Variants in PPARA observed in about 807,000 individuals in gnomAD.
PPARA encodes the protein peroxisome proliferator activated receptor alpha, also known as peroxisome proliferator-activated receptor alpha.
PPARA carries 22 observed loss-of-function variants against 42.2 expected under a neutral mutation model. The observed-to-expected ratio is 0.52, with a 90% confidence interval of 0.37 to 0.74. The LOEUF is 0.74. Ranked by LOEUF, PPARA falls within the 30% of genes least tolerant of loss-of-function variation. The pLI, the probability that PPARA is intolerant of heterozygous loss-of-function variation, is 0.00. For missense variants in PPARA, 465 were observed against 608.2 expected (o/e 0.76, Z 2.48); for synonymous variants, 242 against 239.3 (o/e 1.01, Z -0.10).
At position 46,193,170 on chromosome 22, in the gene PPARA, G is replaced by A. The variant is rs904765014; in HGVS notation, c.-42-5172G>A. 2.0e-5 allele frequency among the ~76,000 whole-genome samples: 3 copies of A among 152,126 alleles called. No homozygotes were observed. The highest frequency in any genetic ancestry group is 7.2e-5 in the African/African-American group (3 of 41,414). On this transcript the variant is annotated intron_variant, in intron 3 of 8. Transcript: ENST00000407236. This position sits in a 1 kb window ranked among gnomAD's most constrained non-coding sequence, Gnocchi z 5.3. ...CAACCTCCACCTCCTGGGTTCAAGC[G>A]ATCCTCCTGCCTCAGCCTCCCAAAT...
chr22:46,186,729 T>G (rs569938332), intron 3 of PPARA, among the ~76,000 whole-genome samples: 1 of 151,672 alleles, frequency 6.6e-6, no homozygotes, highest in African/African-American at 2.4e-5. Context: ...AATAAATAAA[T>G]AAAAGAAAAG....
rs1167197763 is a variant in PPARA at position 46,242,831 on chromosome 22, T to G, written c.*7451T>G. ...GAAATCTGTTCCCTTTACCACACTG[T>G]ATATGCACAGAGCACAAGAGAGGCT... On this transcript the variant is annotated 3_prime_UTR_variant, in exon 9 of 9. Coordinates refer to ENST00000407236, the MANE Select transcript of PPARA (RefSeq NM_005036.6). The surrounding 1 kb of genome is among the most constrained non-coding windows in gnomAD (Gnocchi z 6.1). 1.3e-5 allele frequency: 2 copies of G among 152,524 alleles called. No homozygotes were observed. Among genetic ancestry groups the G allele is most frequent in the East Asian group, 3.8e-4 (2 of 5,198 alleles). The allele number at this position is 152,524 out of a possible 1,614,324, so 9.4% of individuals were successfully genotyped here.
rs990108237 is a variant in PPARA at position 46,232,745 on chromosome 22, G to A, written c.1159+506G>A. 6.6e-6 allele frequency among the ~76,000 whole-genome samples: 1 copy of A among 151,554 alleles called. No homozygotes were observed. Among genetic ancestry groups the A allele is most frequent in the Non-Finnish European group, 1.5e-5 (1 of 67,954 alleles). On this transcript the variant is annotated intron_variant, in intron 8 of 8. Transcript: ENST00000407236. This position sits in a 1 kb window ranked among gnomAD's most constrained non-coding sequence, Gnocchi z 5.3. ...AATCCCAGCCCTTTGGGAGGCTGAG[G>A]TGGGTGGATCACTTGAGCCCAGGAG...
intron 4 of PPARA, among the ~76,000 whole-genome samples, chr22:46,210,221 A>C: frequency 6.8e-6 from 1 of 146,540 alleles, no homozygotes; most frequent in Non-Finnish European, 1.5e-5. Flanking sequence ...AGGCAGGAGA[A>C]TTGCTTGAAC....
At position 46,224,244 on chromosome 22, in the gene PPARA, TGCTGACGG is replaced by T. The variant is rs1300901769; in HGVS notation, c.711+4234_711+4241del. ...ACGGCCCCCTCCTCCCTGCCTAGCC[TGCTGACGG>T]GCTTTCCAGAGCTGGCTCCTTCAGG... On this transcript the variant is annotated intron_variant, in intron 7 of 8. Transcript: ENST00000407236. This position sits in a 1 kb window ranked among gnomAD's most constrained non-coding sequence, Gnocchi z 5.7. 6.6e-6 allele frequency among the ~76,000 whole-genome samples: 1 copy of T among 152,214 alleles called. No individual in the cohort carries two copies. Among genetic ancestry groups the T allele is most frequent in the Non-Finnish European group, 1.5e-5 (1 of 68,032 alleles).
chr22:46,179,858 A>G (rs1163362017), intron 3 of PPARA, among the ~76,000 whole-genome samples: 2 of 152,200 alleles, frequency 1.3e-5, no homozygotes, highest in African/African-American at 4.8e-5. Flanking sequence ...AATTCTCAAA[A>G]CTCACCTAGA....
At chr22:46,168,821 A>G (rs1299914375) in intron 2 of PPARA, among the ~76,000 whole-genome samples, 2 of 152,020 alleles carry the variant, frequency 1.3e-5, no homozygotes, top group African/African-American at 2.4e-5. Flanking sequence ...ACTCTCATAC[A>G]CTGCTGATGG....
rs1935868514 is a variant in PPARA at position 46,231,490 on chromosome 22, G to A, written c.712-302G>A. Among the ~76,000 whole-genome samples, 1 of 152,104 alleles carries A rather than the reference G, an allele frequency of 6.6e-6. No homozygotes were observed. Among genetic ancestry groups the A allele is most frequent in the African/African-American group, 2.4e-5 (1 of 41,412 alleles). On this transcript the variant is annotated intron_variant, in intron 7 of 8. Transcript: ENST00000407236. The surrounding 1 kb of genome is among the most constrained non-coding windows in gnomAD (Gnocchi z 7.7). ...CCCACCTCAGCCTCCCAAAGTTCTG[G>A]GATTACAGGCGTGAGCCACCATGCC...
chr22:46,219,177 AAAAG>A lies in PPARA; in HGVS notation c.509-631_509-628del, dbSNP rs1934787659. Among the ~76,000 whole-genome samples the A allele has an allele frequency of 6.6e-6, 1 of 152,174 alleles. No homozygotes were observed. ...ACTCCGTCTCAAAAAAAAAGAAAAA[AAAAG>A]AAAAAGTCTCAAATAGCTGAGATTC... is the stretch of plus-strand genomic sequence containing the variant. On this transcript the variant is annotated intron_variant, in intron 6 of 8. Transcript: ENST00000407236. This position sits in a 1 kb window ranked among gnomAD's most constrained non-coding sequence, Gnocchi z 4.8.
Position 46,184,850 on chromosome 22 carries a change from G to A in PPARA, c.-43+8014G>A, listed in dbSNP as rs1019583093. Among the ~76,000 whole-genome samples, 4 of 152,248 alleles carry A rather than the reference G, an allele frequency of 2.6e-5. No individual in the cohort carries two copies. Among genetic ancestry groups the A allele is most frequent in the East Asian group, 1.9e-4 (1 of 5,186 alleles). The stretch of plus-strand genomic sequence containing the variant: ...AGCCTACGCGACAGAGCAAGACTCC[G>A]TCTCAAAAAACAAAAAAAGTATTCT... On this transcript the variant is annotated intron_variant, in intron 3 of 8. Transcript: ENST00000407236. The surrounding 1 kb of genome is among the most constrained non-coding windows in gnomAD (Gnocchi z 4.4).
rs2147707725 is a variant in PPARA at position 46,233,217 on chromosome 22, AT to A, written c.1159+979del. On this transcript the variant is annotated intron_variant, in intron 8 of 8. Transcript: ENST00000407236. The surrounding 1 kb of genome is among the most constrained non-coding windows in gnomAD (Gnocchi z 7.3). The stretch of plus-strand genomic sequence containing the variant: ...AGTATATTTCCTAATGCAAAATATA[AT>A]ATCAGTCAGCAGCCAAGTGGCAGTG... 6.6e-6 allele frequency among the ~76,000 whole-genome samples: 1 copy of A among 152,302 alleles called. No individual in the cohort carries two copies. The highest frequency in any genetic ancestry group is 2.4e-5 in the African/African-American group (1 of 41,564).
At chr22:46,181,644 G>A (rs1026464745) in intron 3 of PPARA, among the ~76,000 whole-genome samples, 3 of 152,118 alleles carry the variant, frequency 2.0e-5, no homozygotes, top group African/African-American at 7.2e-5. Context: ...TTTAATGTCG[G>A]GTGGCCAGCC....
In PPARA at chr22:46,232,376, C is replaced by A. The variant is rs1345577122; in HGVS notation, c.1159+137C>A. 4 of 797,414 alleles carry A rather than the reference C, an allele frequency of 5.0e-6. No individual in the cohort carries two copies. In the Admixed American group the frequency reaches 7.5e-5, roughly 15 times the overall value. 49.4% of individuals were successfully genotyped at this position (797,414 alleles called of 1,614,324 possible). ...CTCACATGGTGGGAAGACGTCTGACCCCCAGTCACTGCTGAGAATTCAGTG... is the reference window on the plus strand; with the variant it reads ...CTCACATGGTGGGAAGACGTCTGACACCCAGTCACTGCTGAGAATTCAGTG... On this transcript the variant is annotated intron_variant, in intron 8 of 8. Coordinates refer to ENST00000407236, the MANE Select transcript of PPARA (RefSeq NM_005036.6). The surrounding 1 kb of genome is among the most constrained non-coding windows in gnomAD (Gnocchi z 5.3).
rs1050655770 is a variant in PPARA at position 46,200,906 on chromosome 22, A to G, written c.208+2315A>G. 4.0e-5 allele frequency among the ~76,000 whole-genome samples: 6 copies of G among 151,620 alleles called. No individual in the cohort carries two copies. Among genetic ancestry groups the G allele is most frequent in the African/African-American group, 1.5e-4 (6 of 41,194 alleles). ...GCCACTGTACTCTAGCTTGGGCGAC[A>G]GGGTGAGACTCCATCTCAAAAAAAA... On this transcript the variant is annotated intron_variant, in intron 4 of 8. Transcript: ENST00000407236. This position sits in a 1 kb window ranked among gnomAD's most constrained non-coding sequence, Gnocchi z 4.8.
At chr22:46,170,623 T>C (rs1280028146) in intron 2 of PPARA, among the ~76,000 whole-genome samples, 1 of 151,688 alleles carries the variant, frequency 6.6e-6, no homozygotes, top group Admixed American at 6.6e-5. Flanking sequence ...TGTAAATTTT[T>C]ATTGAACGTC....
rs971082393 is a variant in PPARA, at chr22:46,173,333, T to A, written c.-126-3420T>A. On this transcript the variant is annotated intron_variant, in intron 2 of 8. Transcript: ENST00000407236. This position sits in a 1 kb window ranked among gnomAD's most constrained non-coding sequence, Gnocchi z 4.3. ...AGAAAGCCTTGGACACATTTCCAGT[T>A]GGCAAGCTGGCAAAATGAAGGGCGT... Among the ~76,000 whole-genome samples the A allele has an allele frequency of 4.6e-5, 7 of 152,196 alleles. No homozygotes were observed. Among genetic ancestry groups the A allele is most frequent in the African/African-American group, 9.7e-5 (4 of 41,446 alleles).
chr22:46,218,669 A>C (rs145606095), intron 6 of PPARA, among the ~76,000 whole-genome samples: 521 of 151,528 alleles, frequency 3.4e-3, no homozygotes, highest in African/African-American at 0.012. Flanking sequence ...CCCCGTCTCT[A>C]CTAAGAATGC....
At chr22:46,164,260 T>G (rs1601612723) in intron 2 of PPARA, 1 of 151,918 alleles carries the variant, frequency 6.6e-6, no homozygotes, top group East Asian at 1.9e-4. Flanking sequence ...CAGTAATTTT[T>G]TTTTTTTTTG....
At chr22:46,175,679 A>C (rs980025220) in intron 2 of PPARA, among the ~76,000 whole-genome samples, 1 of 150,870 alleles carries the variant, frequency 6.6e-6, no homozygotes, top group Non-Finnish European at 1.5e-5. Flanking sequence ...ACACCACTGC[A>C]CTCCAGACTG....
Sources: gnomAD v4.1 joint callset for allele counts (sites outside exome capture counted in the v4.1 genomes callset) on GRCh38, gnomAD v4.1.1 for gene constraint, Gnocchi (gnomAD v3.1) non-coding constraint, MANE v1.5 for transcripts, NCBI Gene and HGNC (gene_info 2026-07-23, HGNC 2026-07-21) for gene names.